The following MFAP3 variants were observed in gnomAD, a reference collection of about 807,000 sequenced individuals.
MFAP3 encodes microfibril associated protein 3.
A neutral mutation model predicts 20.5 loss-of-function variants in MFAP3; 8 were observed. The observed-to-expected ratio is 0.39, with a 90% CI of 0.23 to 0.70. The LOEUF is 0.70. MFAP3 is among the 30% of genes least tolerant of loss of function. MFAP3 has a pLI of 0.44. For missense variants in MFAP3, 398 were observed against 444.6 expected (o/e 0.90, Z 0.94); for synonymous variants, 140 against 154.0 (o/e 0.91, Z 0.67).
In MFAP3 at chr5:154,049,775, C is replaced by A. The variant is rs1581864877; in HGVS notation, c.53C>A (p.Ala18Asp). 6.2e-7 allele frequency: 1 copy of A among 1,613,656 alleles called. No individual in the cohort carries two copies. The highest frequency in any genetic ancestry group is 8.5e-7 in the Non-Finnish European group (1 of 1,179,688). Residue 18 changes from alanine to aspartate, a missense_variant, in exon 2 of 3, where the codon GCT becomes GAT. Coordinates refer to ENST00000522782, the MANE Select transcript of MFAP3 (RefSeq NM_005927.5). ...FTLVASIIVP[A>D]AFVLEDVDFD... ...TTAGTGGCAAGTATTATTGTGCCAGCTGCTTTTGTTTTGGAAGATGTGGAC... is the reference window on the plus strand; with the variant it reads ...TTAGTGGCAAGTATTATTGTGCCAGATGCTTTTGTTTTGGAAGATGTGGAC...
intron 1 of MFAP3, among the ~76,000 whole-genome samples, chr5:154,041,116 TA>T (rs1348950376): frequency 1.3e-5 from 2 of 149,950 alleles, no homozygotes; most frequent in Admixed American, 1.3e-4. Flanking sequence ...CTTAATGTGC[TA>T]GGGGACTGAC....
chr5:154,052,756 C>G (rs1414552406), intron 2 of MFAP3, among the ~76,000 whole-genome samples, 164 bp from the exon 3 acceptor site: 1 of 152,136 alleles, frequency 6.6e-6, no homozygotes, highest in African/African-American at 2.4e-5. Flanking sequence ...TGACTCTGGA[C>G]CTCACAGTCT....
chr5:154,045,199 C>T (rs572829633), intron 1 of MFAP3, among the ~76,000 whole-genome samples: 1 of 152,224 alleles, frequency 6.6e-6, no homozygotes, highest in African/African-American at 2.4e-5. Flanking sequence ...AACAAAGATT[C>T]TATTAGCTTA....
Position 154,047,331 on chromosome 5 carries a change from C to CGA in MFAP3, c.-166-2223_-166-2222dup, listed in dbSNP as rs1179913936. On this transcript the variant is annotated intron_variant, in intron 1 of 2. Coordinates refer to ENST00000522782, the MANE Select transcript of MFAP3 (RefSeq NM_005927.5). ...CTGCCAGACTGAACTTCGTGGAGGC[C>CGA]GAGACAATGTCTATGGGGCAGTAGG... Among the ~76,000 whole-genome samples the CGA allele has an allele frequency of 5.3e-5, 8 of 152,138 alleles. No individual in the cohort carries two copies. In the East Asian group the frequency reaches 1.4e-3, roughly 26 times the overall value.
intron 1 of MFAP3, among the ~76,000 whole-genome samples, chr5:154,040,351 C>T (rs907750764): frequency 1.3e-5 from 2 of 152,148 alleles, no homozygotes; most frequent in Admixed American, 1.3e-4. Context: ...TTGAGAATGG[C>T]ATTGTTTTAC....
In MFAP3 at chr5:154,055,841, T is replaced by C. The variant is rs1470648428; in HGVS notation, c.*2128T>C. Among the ~76,000 whole-genome samples the C allele has an allele frequency of 6.6e-6, 1 of 152,062 alleles. No individual in the cohort carries two copies. Among genetic ancestry groups the C allele is most frequent in the African/African-American group, 2.4e-5 (1 of 41,378 alleles). On this transcript the variant is annotated 3_prime_UTR_variant, in exon 3 of 3. Transcript: ENST00000522782. ...CCAGGCTGACCTTGTACTTGTGGCT[T>C]CAAATGATCCTCCTGCCTTACCTCC...
At chr5:154,052,579 T>A (rs1189428770) in intron 2 of MFAP3, among the ~76,000 whole-genome samples, 1 of 152,194 alleles carries the variant, frequency 6.6e-6, no homozygotes, top group Non-Finnish European at 1.5e-5. Context: ...CGGACACATA[T>A]GTATAAACTA....
intron 1 of MFAP3, among the ~76,000 whole-genome samples, chr5:154,039,630 C>T (rs1007847047): frequency 1.3e-5 from 2 of 152,210 alleles, no homozygotes; most frequent in Non-Finnish European, 1.5e-5. Context: ...AGATGAATGA[C>T]ATGATCTGAT....
Position 154,053,543 on chromosome 5 carries a change from G to A in MFAP3, c.919G>A (p.Glu307Lys), listed in dbSNP as rs1773254080. 6.2e-7 allele frequency: 1 copy of A among 1,613,734 alleles called. No homozygotes were observed. Among genetic ancestry groups the A allele is most frequent in the South Asian group, 1.1e-5 (1 of 91,078 alleles). ...GGDSDDGSLN[E>K]QGQEIAVQVS... ...AGATTCAGATGATGGCTCTCTGAAT[G>A]AACAAGGCCAGGAAATAGCAGTTCA... is the stretch of plus-strand genomic sequence containing the variant. Residue 307 changes from glutamate to lysine, a missense_variant, in exon 3 of 3, where the codon GAA (glutamate) becomes AAA (lysine). Glu to Lys is a moderately conservative substitution (Grantham distance 56). Coordinates refer to ENST00000522782, the MANE Select transcript of MFAP3 (RefSeq NM_005927.5).
chr5:154,050,930 A>T (rs1581866004), intron 2 of MFAP3, among the ~76,000 whole-genome samples: 1 of 152,210 alleles, frequency 6.6e-6, no homozygotes, highest in South Asian at 2.1e-4. Flanking sequence ...ACACTTTCAG[A>T]AATTTTTTTG....
rs151209330 is a variant in MFAP3 at position 154,040,800 on chromosome 5, G to A, written c.-167+1789G>A. 9.1e-4 allele frequency among the ~76,000 whole-genome samples: 138 copies of A among 152,282 alleles called. 1 individual carries two copies. In the East Asian group the frequency reaches 0.02, roughly 22 times the overall value. ...TGAAAATTACAGAGTGAGAAAACCAGTCAAATGATTCTCTAGAGTGTTCTG... is the reference window on the plus strand; with the variant it reads ...TGAAAATTACAGAGTGAGAAAACCAATCAAATGATTCTCTAGAGTGTTCTG... On this transcript the variant is annotated intron_variant, in intron 1 of 2. Coordinates refer to ENST00000522782, the MANE Select transcript of MFAP3 (RefSeq NM_005927.5).
intron 1 of MFAP3, among the ~76,000 whole-genome samples, chr5:154,046,262 CTG>C (rs1420567138): frequency 6.6e-6 from 1 of 152,170 alleles, no homozygotes; most frequent in East Asian, 1.9e-4. Flanking sequence ...TTAGCATTGA[CTG>C]TTTTTGTTTC....
intron 2 of MFAP3, chr5:154,051,891 A>AACCTCCTCTGGGAC (rs1215847446): frequency 6.6e-6 from 1 of 152,148 alleles, no homozygotes; most frequent in Non-Finnish European, 1.5e-5. Flanking sequence ...GCAGTCCGCT[A>AACCTCCTCTGGGAC]ACCTCCTCTG....
At chr5:154,043,037 A>G (rs916485390) in intron 1 of MFAP3, among the ~76,000 whole-genome samples, 7 of 152,192 alleles carry the variant, frequency 4.6e-5, no homozygotes, top group Non-Finnish European at 1.0e-4. Context: ...GAACGGCAAC[A>G]AGACAATCTG....
At chr5:154,044,989 C>T (rs1773043950) in intron 1 of MFAP3, among the ~76,000 whole-genome samples, 3 of 151,574 alleles carry the variant, frequency 2.0e-5, no homozygotes, top group African/African-American at 7.3e-5. Context: ...CTATCAGGCA[C>T]CAAAGCACCA....
At position 154,055,273 on chromosome 5, in the gene MFAP3, G is replaced by GA. The variant is rs1191246541; in HGVS notation, c.*1562dup. On this transcript the variant is annotated 3_prime_UTR_variant, in exon 3 of 3. Transcript: ENST00000522782. ...TTTTAATTTAAGGTTTCAAACAGGGGAAGACAGGAAATTCAAAGCGTGACG... is the reference window on the plus strand; with the variant it reads ...TTTTAATTTAAGGTTTCAAACAGGGGAAAGACAGGAAATTCAAAGCGTGACG... Among the ~76,000 whole-genome samples the GA allele has an allele frequency of 6.6e-6, 1 of 152,180 alleles. No individual in the cohort carries two copies. Among genetic ancestry groups the GA allele is most frequent in the Non-Finnish European group, 1.5e-5 (1 of 68,038 alleles).
At chr5:154,051,913 C>T (rs1773200383) in intron 2 of MFAP3, 1 of 152,116 alleles carries the variant, frequency 6.6e-6, no homozygotes, top group African/African-American at 2.4e-5. Context: ...GACACCTCCT[C>T]TAGTCATTGG....
Position 154,049,958 on chromosome 5 carries a change from A to G in MFAP3, c.236A>G (p.His79Arg), listed in dbSNP as rs559167658. The stretch of plus-strand genomic sequence containing the variant: ...ATTGAGTGTCTTCTCACAGCCAGTC[A>G]CTATGAAGATGTCCATTGGCACAAT... The part of the protein sequence containing the change: ...VSIECLLTAS[H>R]YEDVHWHNSK... The change falls in exon 2 of 3, where the codon CAC becomes CGC. Residue 79 changes from histidine (H) to arginine (R), a missense_variant. Physicochemically the swap from His to Arg is conservative, Grantham distance 29. Coordinates refer to ENST00000522782, the MANE Select transcript of MFAP3 (RefSeq NM_005927.5). The G allele has an allele frequency of 1.9e-6, 3 of 1,613,440 alleles. No homozygotes were observed. In the East Asian group the frequency reaches 6.7e-5, roughly 36 times the overall value.
At position 154,054,445 on chromosome 5, in the gene MFAP3, TA is replaced by T. The variant is rs1773282246; in HGVS notation, c.*734del. The T allele has an allele frequency of 6.0e-6, 1 of 167,016 alleles. No homozygotes were observed. The highest frequency in any genetic ancestry group is 2.1e-4 in the South Asian group (1 of 4,832). 10.3% of individuals were successfully genotyped at this position (167,016 alleles called of 1,614,324 possible). On this transcript the variant is annotated 3_prime_UTR_variant, in exon 3 of 3. Transcript: ENST00000522782. The stretch of plus-strand genomic sequence containing the variant: ...CCTTGGTGGGGGTGTATCATATTTT[TA>T]ACTTACTGAGATATCATTTTAGTTC...
Sources: gnomAD v4.1 joint callset for allele counts (sites outside exome capture counted in the v4.1 genomes callset) on GRCh38, gnomAD v4.1.1 for gene constraint, MANE v1.5 for transcripts, NCBI Gene and HGNC (gene_info 2026-07-23, HGNC 2026-07-21) for gene names.